The following NOX4 variants were observed in gnomAD, a reference collection of about 807,000 sequenced individuals.
NOX4 encodes the protein kidney oxidase-1.
A neutral mutation model predicts 87.6 loss-of-function variants in NOX4; 69 were observed. The ratio of observed to expected loss-of-function variants is 0.79; its 90% CI spans 0.65 to 0.96. NOX4 has a LOEUF of 0.96. NOX4 is among the 40% of genes least tolerant of loss of function. The pLI is 0.00. For synonymous variants in NOX4, 275 were observed against 238.2 expected, an observed-to-expected ratio of 1.15 and a Z score of -1.42; for missense variants, 680 against 681.5, an observed-to-expected ratio of 1.00 and a Z score of 0.02.
intron 13 of NOX4, among the ~76,000 whole-genome samples, chr11:89,352,857 T>G (rs1241223965): frequency 6.6e-6 from 1 of 152,248 alleles, no homozygotes; most frequent in Non-Finnish European, 1.5e-5. Flanking sequence ...TTTCACTCTG[T>G]TGCCCAGGCT....
intron 7 of NOX4, among the ~76,000 whole-genome samples, chr11:89,430,080 T>C (rs1943696484): frequency 6.6e-6 from 1 of 152,150 alleles, no homozygotes; most frequent in Non-Finnish European, 1.5e-5. Context: ...ATCCAGCATA[T>C]AAACAGAACC....
At chr11:89,336,104 C>A (rs1945702832) in intron 16 of NOX4, 159 bp from the exon 17 acceptor site, 4 of 428,518 alleles carry the variant, frequency 9.3e-6, no homozygotes, top group South Asian at 6.8e-5. Context: ...TTCAAAATAT[C>A]ATTTCCTTTC....
chr11:89,386,043 T>C (rs1463500916), intron 11 of NOX4, among the ~76,000 whole-genome samples: 1 of 152,156 alleles, frequency 6.6e-6, no homozygotes, highest in Non-Finnish European at 1.5e-5. Context: ...TAAAATGGAC[T>C]AATGGTCTTT....
the NOX4 span, among the ~76,000 whole-genome samples, chr11:89,536,790 C>T: frequency 2.6e-5 from 4 of 152,092 alleles, no homozygotes; most frequent in African/African-American, 9.7e-5. Flanking sequence ...CATTACCATT[C>T]CCACTTTTTA....
the NOX4 span, among the ~76,000 whole-genome samples, chr11:89,544,858 C>A: frequency 9.9e-5 from 15 of 151,990 alleles, no homozygotes; most frequent in Admixed American, 9.2e-4. Flanking sequence ...TATTTTATAA[C>A]ACCCTAAAAT....
chr11:89,418,954 C>A (rs977759751), intron 8 of NOX4, among the ~76,000 whole-genome samples: 1 of 152,042 alleles, frequency 6.6e-6, no homozygotes, highest in Non-Finnish European at 1.5e-5. Context: ...ATCACCTCAT[C>A]TTTGAAGCCT....
intron 17 of NOX4, among the ~76,000 whole-genome samples, chr11:89,335,258 G>T (rs189923270): frequency 1.6e-4 from 24 of 151,832 alleles, no homozygotes; most frequent in African/African-American, 5.8e-4. Flanking sequence ...GCCCTGAAAT[G>T]GAAGCTTTCC....
chr11:89,530,271 A>G, the NOX4 span, among the ~76,000 whole-genome samples: 1 of 149,714 alleles, frequency 6.7e-6, no homozygotes, highest in Non-Finnish European at 1.5e-5. Context: ...CAGGGCTCCC[A>G]TAATTTCCTT....
chr11:89,351,083 G>A (rs1033097230), intron 13 of NOX4, among the ~76,000 whole-genome samples: 12 of 152,186 alleles, frequency 7.9e-5, no homozygotes, highest in African/African-American at 2.9e-4. Flanking sequence ...AAAAGTTTCT[G>A]AAGAAAATTT....
the NOX4 span, among the ~76,000 whole-genome samples, chr11:89,517,937 A>G: frequency 6.6e-6 from 1 of 152,108 alleles, no homozygotes; most frequent in Non-Finnish European, 1.5e-5. Flanking sequence ...AAAATTCTAT[A>G]TTAACTAGAC....
intron 14 of NOX4, among the ~76,000 whole-genome samples, chr11:89,340,867 G>C (rs1565176335): frequency 2.0e-5 from 3 of 151,774 alleles, no homozygotes; most frequent in Admixed American, 6.6e-5. Flanking sequence ...GATCATTTTT[G>C]TAAGAACCGC....
intron 6 of NOX4, among the ~76,000 whole-genome samples, chr11:89,439,544 A>C (rs1049155626): frequency 6.6e-6 from 1 of 152,132 alleles, no homozygotes; most frequent in Non-Finnish European, 1.5e-5. Context: ...AAAATAATGC[A>C]TTTGCCAGGG....
Position 89,373,599 on chromosome 11 carries a change from AC to A in NOX4, c.1075-108del, listed in dbSNP as rs1939620971. 9.8e-6 allele frequency: 7 copies of A among 710,940 alleles called. No homozygotes were observed. In the South Asian group the frequency reaches 1.2e-4, roughly 12 times the overall value. 44.0% of individuals were successfully genotyped at this position (710,940 alleles called of 1,614,324 possible). A position where few individuals can be genotyped will look rare whatever the true frequency, so the allele number is the denominator to read the frequency against. ...AGCAAGTCCCCCATATCAATAGATA[AC>A]AGGAAGGAACAGACTAAAATCTATA... is the stretch of plus-strand genomic sequence containing the variant. On this transcript the variant is annotated intron_variant, in intron 11 of 17. Coordinates refer to ENST00000263317, the MANE Select transcript of NOX4 (RefSeq NM_016931.5).
In NOX4 at chr11:89,424,203, T is replaced by A. The variant is rs1591193182; in HGVS notation, c.549-2221A>T. On this transcript the variant is annotated intron_variant, in intron 7 of 17. Coordinates refer to ENST00000263317, the MANE Select transcript of NOX4 (RefSeq NM_016931.5). The stretch of plus-strand genomic sequence containing the variant: ...CCAGATATTATATGTTTTGCTGCAA[T>A]CGTAAGTGGTATATTTTTATTTTAT... Among the ~76,000 whole-genome samples, 3 of 152,002 alleles carry A rather than the reference T, an allele frequency of 2.0e-5. No individual in the cohort carries two copies. The South Asian group carries it at 6.2e-4, about 31-fold the overall frequency.
the NOX4 span, among the ~76,000 whole-genome samples, chr11:89,536,444 C>G: frequency 6.6e-6 from 1 of 151,934 alleles, no homozygotes; most frequent in African/African-American, 2.4e-5. Flanking sequence ...CCTTGCCCAG[C>G]GATCTGGTCC....
intron 7 of NOX4, among the ~76,000 whole-genome samples, chr11:89,427,388 G>T (rs1020574614): frequency 6.6e-6 from 1 of 152,184 alleles, no homozygotes; most frequent in African/African-American, 2.4e-5. Flanking sequence ...ATTTTGACGA[G>T]TTGAGAGAAG....
At chr11:89,552,821 T>C in the NOX4 span, among the ~76,000 whole-genome samples, 1 of 128,112 alleles carries the variant, frequency 7.8e-6, no homozygotes. Context: ...ACAAACTTTA[T>C]CAAGTAACTT....
the NOX4 span, among the ~76,000 whole-genome samples, chr11:89,555,458 T>C: frequency 1.3e-5 from 2 of 152,152 alleles, no homozygotes; most frequent in African/African-American, 2.4e-5. Flanking sequence ...ACACTCTACC[T>C]GGACAACAGA....
chr11:89,464,005 C>T (rs1321011042), intron 2 of NOX4, among the ~76,000 whole-genome samples: 1 of 151,906 alleles, frequency 6.6e-6, no homozygotes, highest in African/African-American at 2.4e-5. Context: ...TTTAATGTAG[C>T]TGAATAGTTA....
Sources: gnomAD v4.1 joint callset for allele counts (sites outside exome capture counted in the v4.1 genomes callset) on GRCh38, gnomAD v4.1.1 for gene constraint, MANE v1.5 for transcripts, NCBI Gene and HGNC (gene_info 2026-07-23, HGNC 2026-07-21) for gene names.